NEURL1B: variants seen among roughly 807,000 people sequenced by gnomAD.
The protein encoded by NEURL1B is neuralized E3 ubiquitin protein ligase 1B.
Under a neutral mutation model 37.4 loss-of-function variants are expected in NEURL1B, and 13 were observed. The ratio of observed to expected loss-of-function variants is 0.35; its 90% CI spans 0.23 to 0.55. NEURL1B has a LOEUF of 0.55. NEURL1B is among the 20% of genes least tolerant of loss of function. NEURL1B has a pLI of 0.89. For missense variants in NEURL1B, 790 were observed against 879.2 expected (o/e 0.90, Z 1.28); for synonymous variants, 432 against 426.6 (o/e 1.01, Z -0.16).
intron 1 of NEURL1B, among the ~76,000 whole-genome samples, chr5:172,659,037 C>A (rs1234043243): frequency 2.0e-5 from 2 of 98,842 alleles, no homozygotes; most frequent in Admixed American, 9.0e-5. Context: ...CCTGCCCGCC[C>A]CCCCCCCCCC....
In NEURL1B at chr5:172,670,017, C is replaced by G. The variant is rs748791908; in HGVS notation, c.264C>G (p.Ala88=). The G allele has an allele frequency of 1.3e-6, 2 of 1,491,698 alleles. No individual in the cohort carries two copies. The highest frequency in any genetic ancestry group is 1.8e-6 in the Non-Finnish European group (2 of 1,127,242). The allele number at this position is 1,491,698 out of a possible 1,614,324, so 92.4% of individuals were successfully genotyped here. The change falls in exon 2 of 5, where the codon GCC becomes GCG. Residue 88 remains alanine, a synonymous_variant. Transcript: ENST00000369800. The part of the protein sequence containing the change: ...LYEQVRLRLV[A]VRPGWSGALR... ...AGCAGGTGCGGCTGCGCCTGGTGGCCGTGCGCCCTGGCTGGAGCGGCGCGC... is the reference window on the plus strand; with the variant it reads ...AGCAGGTGCGGCTGCGCCTGGTGGCGGTGCGCCCTGGCTGGAGCGGCGCGC...
chr5:172,678,084 G>A (rs572413034), intron 2 of NEURL1B, among the ~76,000 whole-genome samples: 2 of 152,078 alleles, frequency 1.3e-5, no homozygotes, highest in South Asian at 4.2e-4. Context: ...GTGGCTCCTG[G>A]GCCTTCCCGA....
intron 1 of NEURL1B, among the ~76,000 whole-genome samples, chr5:172,653,990 A>G (rs1233516115): frequency 6.6e-6 from 1 of 152,130 alleles, no homozygotes; most frequent in African/African-American, 2.4e-5. Context: ...ATTCTCCCCC[A>G]ACTTTTTTTT....
chr5:172,682,518 G>C (rs1758375252), intron 2 of NEURL1B, among the ~76,000 whole-genome samples: 2 of 152,238 alleles, frequency 1.3e-5, no homozygotes, highest in Admixed American at 6.5e-5. Flanking sequence ...AGAGGTTGCA[G>C]TGAGCCGAGA....
rs900699802 is a variant in NEURL1B, at chr5:172,686,410, T to C, written c.1423+114T>C. On this transcript the variant is annotated intron_variant, in intron 4 of 4. Transcript: ENST00000369800. The surrounding 1 kb of genome is among the most constrained non-coding windows in gnomAD (Gnocchi z 7.9). ...GGGTGGCCGCCTTTCCCCCGCATCCTCTCCTTCCCTCAGCTGTATGCTCAG... is the reference window on the plus strand; with the variant it reads ...GGGTGGCCGCCTTTCCCCCGCATCCCCTCCTTCCCTCAGCTGTATGCTCAG... The C allele has an allele frequency of 2.7e-5, 31 of 1,127,298 alleles. No homozygotes were observed. Among genetic ancestry groups the C allele is most frequent in the Non-Finnish European group, 3.8e-5 (30 of 789,170 alleles). The allele number at this position is 1,127,298 out of a possible 1,614,324, so 69.8% of individuals were successfully genotyped here. A position where few individuals can be genotyped will look rare whatever the true frequency, so the allele number is the denominator to read the frequency against.
intron 2 of NEURL1B, among the ~76,000 whole-genome samples, chr5:172,681,056 G>A (rs545410571): frequency 2.0e-5 from 3 of 152,284 alleles, no homozygotes; most frequent in South Asian, 2.1e-4. Flanking sequence ...CAGCTTACTC[G>A]GCCAGAGAGG....
rs1349277763 is a variant in NEURL1B at position 172,689,159 on chromosome 5, TC to T, written c.*2237del. ...TGCTCTGCAGCTGCTATAAATAGCC[TC>T]CCTGTTTCCAAGAGGAGGTAAGGAA... On this transcript the variant is annotated 3_prime_UTR_variant, in exon 5 of 5. Transcript: ENST00000369800. The T allele has an allele frequency of 6.6e-6, 1 of 152,226 alleles. No homozygotes were observed. The highest frequency in any genetic ancestry group is 2.4e-5 in the African/African-American group (1 of 41,450). 9.4% of individuals were successfully genotyped at this position (152,226 alleles called of 1,614,324 possible).
chr5:172,669,224 C>T (rs1758073313), intron 1 of NEURL1B, among the ~76,000 whole-genome samples: 2 of 152,154 alleles, frequency 1.3e-5, no homozygotes, highest in Admixed American at 6.5e-5. Flanking sequence ...ATACCTCCCA[C>T]CTAGGAAGTG....
chr5:172,668,522 G>T (rs1024526940), intron 1 of NEURL1B, among the ~76,000 whole-genome samples: 9 of 152,014 alleles, frequency 5.9e-5, no homozygotes. Context: ...CCCTGCCCTA[G>T]CTCCCATCAG....
Position 172,686,322 on chromosome 5 carries a change from G to T in NEURL1B, c.1423+26G>T. The stretch of plus-strand genomic sequence containing the variant: ...GTAAGGAAATGCAAACCCTGGCAGG[G>T]GCAGGGGCTGGCGGCTGGCCTGGCT... On this transcript the variant is annotated intron_variant, in intron 4 of 4. Transcript: ENST00000369800. This position sits in a 1 kb window ranked among gnomAD's most constrained non-coding sequence, Gnocchi z 7.9. 6.5e-7 allele frequency: 1 copy of T among 1,550,218 alleles called. No individual in the cohort carries two copies.
intron 2 of NEURL1B, among the ~76,000 whole-genome samples, chr5:172,672,538 T>TCCCCCCCCCCC (rs1391154491): frequency 1.5e-5 from 1 of 65,480 alleles, no homozygotes; most frequent in African/African-American, 1.0e-4. Flanking sequence ...TGAGGTGAAC[T>TCCCCCCCCCCC]CTCCCCCCCC....
At chr5:172,677,797 AG>A (rs1285014680) in intron 2 of NEURL1B, among the ~76,000 whole-genome samples, 2 of 152,062 alleles carry the variant, frequency 1.3e-5, no homozygotes, top group Non-Finnish European at 2.9e-5. Flanking sequence ...CACACAGAAG[AG>A]CCCCGGTGGC....
chr5:172,655,107 C>T (rs1757742312), intron 1 of NEURL1B, among the ~76,000 whole-genome samples: 1 of 152,088 alleles, frequency 6.6e-6, no homozygotes, highest in South Asian at 2.1e-4. Flanking sequence ...AGGGAAGGGA[C>T]CGGAGGGAGT....
Position 172,676,964 on chromosome 5 carries a change from C to T in NEURL1B, c.578-6455C>T, listed in dbSNP as rs1489593393. Among the ~76,000 whole-genome samples the T allele has an allele frequency of 1.3e-5, 2 of 152,038 alleles. No individual in the cohort carries two copies. The highest frequency in any genetic ancestry group is 4.8e-5 in the African/African-American group (2 of 41,382). ...TAAATGCAGGGTTCGGAGGTCTGAGCGCACCATTCCAGGCTGCAGGAGAGG... is the reference window on the plus strand; with the variant it reads ...TAAATGCAGGGTTCGGAGGTCTGAGTGCACCATTCCAGGCTGCAGGAGAGG... On this transcript the variant is annotated intron_variant, in intron 2 of 4. Transcript: ENST00000369800. This position sits in a 1 kb window ranked among gnomAD's most constrained non-coding sequence, Gnocchi z 4.5.
At chr5:172,677,402 C>A (rs1198466577) in intron 2 of NEURL1B, among the ~76,000 whole-genome samples, 1 of 152,108 alleles carries the variant, frequency 6.6e-6, no homozygotes, top group African/African-American at 2.4e-5. Flanking sequence ...CACTGTTCTG[C>A]CCTCTTTAAT....
rs1187785295 is a variant in NEURL1B, at chr5:172,687,691, A to G, written c.*766A>G. ...CCCTTCACCCCCAGACTGTCTAATA[A>G]TACACACATCATACCTTGTCTCCGT... On this transcript the variant is annotated 3_prime_UTR_variant, in exon 5 of 5. Transcript: ENST00000369800. The G allele has an allele frequency of 6.6e-6, 1 of 152,090 alleles. No homozygotes were observed. Among genetic ancestry groups the G allele is most frequent in the Non-Finnish European group, 1.5e-5 (1 of 68,046 alleles). The allele number at this position is 152,090 out of a possible 1,614,324, so 9.4% of individuals were successfully genotyped here.
At chr5:172,645,012 A>G (rs1036885337) in intron 1 of NEURL1B, among the ~76,000 whole-genome samples, 1 of 152,142 alleles carries the variant, frequency 6.6e-6, no homozygotes, top group South Asian at 2.1e-4. Context: ...GGGTTTCATC[A>G]TTAAGTTGGC....
In NEURL1B at chr5:172,686,104, A is replaced by C; in HGVS notation, c.1298-67A>C. 1 of 1,533,750 alleles carries C rather than the reference A, an allele frequency of 6.5e-7. No individual in the cohort carries two copies. The highest frequency in any genetic ancestry group is 8.8e-7 in the Non-Finnish European group (1 of 1,137,466). The stretch of plus-strand genomic sequence containing the variant: ...GGAAAGCTAAGGTGCAAAGCAGTGA[A>C]GAACCATGGACTAGCAGGGCAGGTC... On this transcript the variant is annotated intron_variant, in intron 3 of 4. Coordinates refer to ENST00000369800, the MANE Select transcript of NEURL1B (RefSeq NM_001142651.3). The surrounding 1 kb of genome is among the most constrained non-coding windows in gnomAD (Gnocchi z 7.9).
chr5:172,645,645 T>C (rs1214702711), intron 1 of NEURL1B, among the ~76,000 whole-genome samples: 1 of 152,204 alleles, frequency 6.6e-6, no homozygotes, highest in African/African-American at 2.4e-5. Flanking sequence ...TCACGTTCAC[T>C]TGGGCTTTAC....
Sources: gnomAD v4.1 joint callset for allele counts (sites outside exome capture counted in the v4.1 genomes callset) on GRCh38, gnomAD v4.1.1 for gene constraint, Gnocchi (gnomAD v3.1) non-coding constraint, MANE v1.5 for transcripts, NCBI Gene and HGNC (gene_info 2026-07-23, HGNC 2026-07-21) for gene names.